Variants in CPPED1 observed in about 807,000 individuals in gnomAD.
CPPED1 encodes the protein calcineurin like phosphoesterase domain containing 1.
In CPPED1, 28 loss-of-function variants were observed where a neutral mutation model predicts 28.0. The observed-to-expected ratio is 1.00, with a 90% CI of 0.74 to 1.37. The LOEUF (loss-of-function observed/expected upper bound fraction) is 1.37, where lower values mean the gene tolerates loss of function less well. Ranked by LOEUF, CPPED1 falls within the 40% of genes most tolerant of loss-of-function variation. CPPED1 has a pLI of 0.00. For synonymous variants in CPPED1, 198 were observed against 180.2 expected (o/e 1.10, Z -0.79); for missense variants, 504 against 416.5 (o/e 1.21, Z -1.83).
At chr16:12,800,459 G>A (rs1317355438) in intron 1 of CPPED1, among the ~76,000 whole-genome samples, 1 of 151,782 alleles carries the variant, frequency 6.6e-6, no homozygotes, top group African/African-American at 2.4e-5. Flanking sequence ...AGTAAACCAT[G>A]GGGGACTACA....
chr16:12,775,290 T>G (rs921957198), intron 2 of CPPED1, among the ~76,000 whole-genome samples: 1 of 152,132 alleles, frequency 6.6e-6, no homozygotes, highest in African/African-American at 2.4e-5. Context: ...CTGAAAGAAA[T>G]AAATTTCATT....
rs1003363077 is a variant in CPPED1, at chr16:12,709,739, T to C, written c.290-4690A>G. On this transcript the variant is annotated intron_variant, in intron 2 of 3. Transcript: ENST00000381774. This position sits in a 1 kb window ranked among gnomAD's most constrained non-coding sequence, Gnocchi z 4.4. ...GGACATCTGTAAACAAGTATAGCTA[T>C]GATCATAGGTAATGGTGAAAGACTG... Among the ~76,000 whole-genome samples the C allele has an allele frequency of 3.3e-5, 5 of 152,274 alleles. No homozygotes were observed. In the South Asian group the frequency reaches 8.3e-4, roughly 25 times the overall value.
rs2079909555 is a variant in CPPED1, at chr16:12,682,344, A to T, written c.716-17229T>A. On this transcript the variant is annotated intron_variant, in intron 3 of 3. Transcript: ENST00000381774. The surrounding 1 kb of genome is among the most constrained non-coding windows in gnomAD (Gnocchi z 6.1). ...AGCCACCGCGCCCAGCCCCTTTATT[A>T]CTTTTCTACATGGGGGGCTATGCTC... Among the ~76,000 whole-genome samples, 1 of 151,908 alleles carries T rather than the reference A, an allele frequency of 6.6e-6. No individual in the cohort carries two copies.
At chr16:12,741,987 A>T (rs1169538744) in intron 2 of CPPED1, among the ~76,000 whole-genome samples, 2 of 152,026 alleles carry the variant, frequency 1.3e-5, no homozygotes, top group East Asian at 3.9e-4. Flanking sequence ...AATCGCTTGA[A>T]CCTGGGAGGG....
At chr16:12,751,455 T>C (rs1343625023) in intron 2 of CPPED1, among the ~76,000 whole-genome samples, 1 of 152,374 alleles carries the variant, frequency 6.6e-6, no homozygotes, top group Middle Eastern at 3.4e-3. Context: ...AGTCATTGGA[T>C]AGACCTCCTT....
At chr16:12,720,442 G>A (rs1871663007) in intron 2 of CPPED1, 1 of 154,018 alleles carries the variant, frequency 6.5e-6, no homozygotes, top group Non-Finnish European at 1.5e-5. Flanking sequence ...GAAACTTCTT[G>A]TTTTCTGTAC....
chr16:12,687,940 T>C (rs2079941661), intron 3 of CPPED1, among the ~76,000 whole-genome samples: 1 of 149,986 alleles, frequency 6.7e-6, no homozygotes, highest in East Asian at 2.0e-4. Context: ...AACAAAAGAA[T>C]GAAGGAAGAA....
chr16:12,707,946 AC>A (rs1422768395), intron 2 of CPPED1, among the ~76,000 whole-genome samples: 1 of 152,178 alleles, frequency 6.6e-6, no homozygotes, highest in Admixed American at 6.5e-5. Flanking sequence ...CAAGAGTTCA[AC>A]ACCAACCTGG....
chr16:12,718,237 A>G (rs1262068075), intron 2 of CPPED1, among the ~76,000 whole-genome samples: 2 of 152,346 alleles, frequency 1.3e-5, no homozygotes, highest in Middle Eastern at 6.8e-3. Flanking sequence ...CACACTGGCA[A>G]CAATCAAAAA....
At chr16:12,685,531 C>T (rs1008883575) in intron 3 of CPPED1, among the ~76,000 whole-genome samples, 2 of 152,140 alleles carry the variant, frequency 1.3e-5, no homozygotes, top group African/African-American at 4.8e-5. Flanking sequence ...AGACGTAATG[C>T]GTTTAAACCC....
In CPPED1 at chr16:12,688,983, G is replaced by A. The variant is rs546566905; in HGVS notation, c.715+15641C>T. Among the ~76,000 whole-genome samples, 7 of 152,244 alleles carry A rather than the reference G, an allele frequency of 4.6e-5. 1 individual carries two copies. The highest frequency in any genetic ancestry group is 1.4e-4 in the African/African-American group (6 of 41,552). On this transcript the variant is annotated intron_variant, in intron 3 of 3. Transcript: ENST00000381774. ...TATGAAAATGCACAAGCATTTTTAT[G>A]TTAAGATTTGGGTCTGTTTATGCAT...
At chr16:12,667,550 A>G (rs944439761) in intron 3 of CPPED1, among the ~76,000 whole-genome samples, 1 of 152,168 alleles carries the variant, frequency 6.6e-6, no homozygotes, top group Non-Finnish European at 1.5e-5. Flanking sequence ...TGCCAGGAGT[A>G]TGAGATCAGC....
At position 12,756,422 on chromosome 16, in the gene CPPED1, C is replaced by T. The variant is rs562911311; in HGVS notation, c.289+24763G>A. On this transcript the variant is annotated intron_variant, in intron 2 of 3. Transcript: ENST00000381774. ...GCATTTAAGAACAGTGAGCCAGGTG[C>T]GGTGGCTCATGTCTGTAATTCCAGC... Among the ~76,000 whole-genome samples, 9 of 152,166 alleles carry T rather than the reference C, an allele frequency of 5.9e-5. No homozygotes were observed. In the East Asian group the frequency reaches 1.2e-3, roughly 20 times the overall value.
rs370054468 is a variant in CPPED1, at chr16:12,677,297, A to C, written c.716-12182T>G. ...CGAGGGCGGGGAAAGGCGGGGCCAG[A>C]GGGCTGCATGGGGCTATAGACTGGC... On this transcript the variant is annotated intron_variant, in intron 3 of 3. Transcript: ENST00000381774. 8.9e-4 allele frequency among the ~76,000 whole-genome samples: 135 copies of C among 152,326 alleles called. 1 individual carries two copies. Among genetic ancestry groups the C allele is most frequent in the African/African-American group, 3.1e-3 (128 of 41,572 alleles).
Position 12,705,683 on chromosome 16 carries a change from G to A in CPPED1, c.290-634C>T, listed in dbSNP as rs1290921853. 2.6e-5 allele frequency among the ~76,000 whole-genome samples: 4 copies of A among 152,150 alleles called. No individual in the cohort carries two copies. The East Asian group carries it at 5.8e-4, about 22-fold the overall frequency. ...TGAGGCAGGAGAATCGCTTGAACTC[G>A]GGAGGCAGAGGTTGCAGTAAGCCAA... is the stretch of plus-strand genomic sequence containing the variant. On this transcript the variant is annotated intron_variant, in intron 2 of 3. Transcript: ENST00000381774.
chr16:12,758,957 G>A (rs867332335), intron 2 of CPPED1, among the ~76,000 whole-genome samples: 30 of 151,966 alleles, frequency 2.0e-4, no homozygotes, highest in South Asian at 2.1e-4. Context: ...GAGCCCAGGA[G>A]TCTGAGACCA....
chr16:12,692,633 G>T (rs1476977244), intron 3 of CPPED1, among the ~76,000 whole-genome samples: 1 of 152,174 alleles, frequency 6.6e-6, no homozygotes, highest in Non-Finnish European at 1.5e-5. Context: ...GTACCTTGTG[G>T]GGTTGCGGTG....
chr16:12,786,255 C>A (rs527299422), intron 1 of CPPED1, among the ~76,000 whole-genome samples: 1 of 152,310 alleles, frequency 6.6e-6, no homozygotes, highest in African/African-American at 2.4e-5. Flanking sequence ...GGGTGAGGAT[C>A]TGCATTTTAC....
At chr16:12,704,043 C>T (rs1402064925) in intron 3 of CPPED1, among the ~76,000 whole-genome samples, 1 of 152,200 alleles carries the variant, frequency 6.6e-6, no homozygotes, top group Non-Finnish European at 1.5e-5. Flanking sequence ...CAGAGGAAAA[C>T]TGATCAGGCC....
Sources: gnomAD v4.1 joint callset for allele counts (sites outside exome capture counted in the v4.1 genomes callset) on GRCh38, gnomAD v4.1.1 for gene constraint, Gnocchi (gnomAD v3.1) non-coding constraint, MANE v1.5 for transcripts, NCBI Gene and HGNC (gene_info 2026-07-23, HGNC 2026-07-21) for gene names.